The following RUSC2 variants were observed in gnomAD, a reference collection of about 807,000 sequenced individuals.
The protein encoded by RUSC2 is RUN and SH3 domain containing 2.
A neutral mutation model predicts 122.2 loss-of-function variants in RUSC2; 34 were observed. The observed-to-expected ratio is 0.28, with a 90% CI of 0.21 to 0.37. The LOEUF is 0.37. RUSC2 is among the 10% of genes least tolerant of loss of function. RUSC2 has a pLI of 1.00. For synonymous variants in RUSC2, 784 were observed against 790.0 expected (o/e 0.99, Z 0.13); for missense variants, 1,747 against 1,952.4 (o/e 0.89, Z 1.98).
At chr9:35,554,520 C>T (rs2131693161) in intron 2 of RUSC2, among the ~76,000 whole-genome samples, 1 of 152,298 alleles carries the variant, frequency 6.6e-6, no homozygotes, top group East Asian at 1.9e-4. Flanking sequence ...GAAACATTTT[C>T]ATCACTGAAA....
rs767009852 is a variant in RUSC2, at chr9:35,561,020, G to A, written c.4272G>A (p.Val1424=). 8.7e-6 allele frequency: 14 copies of A among 1,614,192 alleles called. No individual in the cohort carries two copies. The South Asian group carries it at 1.5e-4, about 18-fold the overall frequency. The change falls in exon 11 of 12, where the codon GTG becomes GTA. Residue 1424 remains valine, a synonymous_variant. Coordinates refer to ENST00000361226, the MANE Select transcript of RUSC2 (RefSeq NM_014806.5). The part of the protein sequence containing the change: ...KSMFQLVAQT[V]GSRREPEPKE... ...TGTTCCAACTAGTGGCGCAGACAGT[G>A]GGTTCCCGCCGGGAGCCAGAGCCCA...
chr9:35,531,763 C>T (rs1404996036), intron 1 of RUSC2, among the ~76,000 whole-genome samples: 4 of 152,120 alleles, frequency 2.6e-5, no homozygotes, highest in South Asian at 4.1e-4. Flanking sequence ...TGGTGGTTCA[C>T]GCCTGTAATC....
intron 1 of RUSC2, among the ~76,000 whole-genome samples, chr9:35,540,693 C>A (rs1156914792): frequency 6.6e-6 from 1 of 152,174 alleles, no homozygotes; most frequent in Non-Finnish European, 1.5e-5. Flanking sequence ...GGCCGGTAGA[C>A]ATAACCTGTG....
At chr9:35,520,388 A>G (rs954317726) in intron 1 of RUSC2, among the ~76,000 whole-genome samples, 4 of 152,156 alleles carry the variant, frequency 2.6e-5, no homozygotes, top group African/African-American at 9.7e-5. Flanking sequence ...CTTGAAGGAC[A>G]ACTAGGCTTC....
chr9:35,515,208 A>G (rs1641401390), intron 1 of RUSC2, among the ~76,000 whole-genome samples: 1 of 150,524 alleles, frequency 6.6e-6, no homozygotes, highest in South Asian at 2.1e-4. Flanking sequence ...CGAGGCAAAG[A>G]TTTAACATTA....
At position 35,490,316 on chromosome 9, in the gene RUSC2, C is replaced by G. The variant is rs1190905561; in HGVS notation, c.-93+144C>G. ...CTTCAGCCCTTCCCCCTCGGCTGCA[C>G]CCGCCCTCTGCGTCCGCCCCGACCC... On this transcript the variant is annotated intron_variant, in intron 1 of 11. Coordinates refer to ENST00000361226, the MANE Select transcript of RUSC2 (RefSeq NM_014806.5). 1.9e-5 allele frequency: 3 copies of G among 154,986 alleles called. No homozygotes were observed. The Admixed American group carries it at 2.0e-4, about 10-fold the overall frequency. 9.6% of individuals were successfully genotyped at this position (154,986 alleles called of 1,614,324 possible). A position where few individuals can be genotyped will look rare whatever the true frequency, so the allele number is the denominator to read the frequency against.
At position 35,558,345 on chromosome 9, in the gene RUSC2, G is replaced by A. The variant is rs1336232678; in HGVS notation, c.3209G>A (p.Ser1070Asn). The A allele has an allele frequency of 6.2e-7, 1 of 1,614,170 alleles. No individual in the cohort carries two copies. The highest frequency in any genetic ancestry group is 8.5e-7 in the Non-Finnish European group (1 of 1,180,028). The change falls in exon 7 of 12, where the codon AGT becomes AAT. Residue 1070 changes from serine to asparagine, a missense_variant. Coordinates refer to ENST00000361226, the MANE Select transcript of RUSC2 (RefSeq NM_014806.5). This position sits in a 1 kb window ranked among gnomAD's most constrained non-coding sequence, Gnocchi z 4.3. ...IIGQRKNMPWSVVEASTQLGP... is the reference protein window; with the variant it reads ...IIGQRKNMPWNVVEASTQLGP... ...GGGCAGCGTAAGAACATGCCATGGA[G>A]TGTGGTTGAGGCTTCCACACAGCTA...
At chr9:35,556,168 G>A in intron 4 of RUSC2, 31 bp downstream of exon 4, 1 of 1,609,976 alleles carries the variant, frequency 6.2e-7, no homozygotes, top group East Asian at 2.2e-5. Context: ...GTACACCCGG[G>A]GCAGGCTCTG....
chr9:35,503,203 C>T (rs753991275), intron 1 of RUSC2, among the ~76,000 whole-genome samples: 2 of 152,096 alleles, frequency 1.3e-5, no homozygotes, highest in South Asian at 4.2e-4. Flanking sequence ...TTTGGTGCAC[C>T]CATCACCTGA....
In RUSC2 at chr9:35,547,023, G is replaced by A; in HGVS notation, c.502G>A (p.Val168Met). 1 of 1,608,398 alleles carries A rather than the reference G, an allele frequency of 6.2e-7. No individual in the cohort carries two copies. Among genetic ancestry groups the A allele is most frequent in the Non-Finnish European group, 8.5e-7 (1 of 1,176,494 alleles). The change falls in exon 2 of 12, where the codon GTG becomes ATG. Residue 168 changes from valine to methionine, a missense_variant. By Grantham distance (21) the Val-to-Met change is conservative. Transcript: ENST00000361226. The surrounding 1 kb of genome is among the most constrained non-coding windows in gnomAD (Gnocchi z 4.6). The part of the protein sequence containing the change: ...PWGTTRSRAG[V>M]VEGQEQEPVM... ...GGGGACAACACGCAGTCGGGCTGGAGTGGTGGAAGGGCAGGAACAGGAGCC... is the reference window on the plus strand; with the variant it reads ...GGGGACAACACGCAGTCGGGCTGGAATGGTGGAAGGGCAGGAACAGGAGCC...
chr9:35,547,233 A>G lies in RUSC2; in HGVS notation c.712A>G (p.Arg238Gly), dbSNP rs1821769754. 3 of 1,614,158 alleles carry G rather than the reference A, an allele frequency of 1.9e-6. No homozygotes were observed. The South Asian group carries it at 3.3e-5, about 18-fold the overall frequency. Residue 238 changes from arginine (R) to glycine (G), a missense_variant, in exon 2 of 12, where the codon AGG becomes GGG. By Grantham distance (125) the Arg-to-Gly change is moderately radical. Coordinates refer to ENST00000361226, the MANE Select transcript of RUSC2 (RefSeq NM_014806.5). The surrounding 1 kb of genome is among the most constrained non-coding windows in gnomAD (Gnocchi z 4.6). ...GAAGCTCAGTTCAGATGAATCCCCAAGGAACCCTGGATGCTCCGGCTCAGG... is the reference window on the plus strand; with the variant it reads ...GAAGCTCAGTTCAGATGAATCCCCAGGGAACCCTGGATGCTCCGGCTCAGG... Reference protein sequence around the residue: ...EWKLSSDESPRNPGCSGSGDQ... With the variant: ...EWKLSSDESPGNPGCSGSGDQ...
At chr9:35,539,490 A>T (rs1425515049) in intron 1 of RUSC2, among the ~76,000 whole-genome samples, 3 of 152,094 alleles carry the variant, frequency 2.0e-5, no homozygotes, top group Non-Finnish European at 2.9e-5. Context: ...TAAGTTTATG[A>T]TGGAGAACAT....
intron 1 of RUSC2, among the ~76,000 whole-genome samples, chr9:35,494,773 A>G (rs1019615394): frequency 7.9e-5 from 12 of 151,014 alleles, no homozygotes; most frequent in Non-Finnish European, 1.6e-4. Flanking sequence ...CCTTTGATGC[A>G]CGAAAGTTTT....
chr9:35,554,748 CA>C (rs34730277), intron 2 of RUSC2, among the ~76,000 whole-genome samples: 92,031 of 151,694 alleles, frequency 0.61, 29,040 homozygotes, highest in Admixed American at 0.7. Context: ...AGTCTGAACT[CA>C]AAACTTCTCA....
At chr9:35,544,323 T>TTA in intron 1 of RUSC2, among the ~76,000 whole-genome samples, 1 of 149,770 alleles carries the variant, frequency 6.7e-6, no homozygotes, top group Non-Finnish European at 1.5e-5. Context: ...TTTTTTTTTT[T>TTA]TTTGAGACAG....
Position 35,557,145 on chromosome 9 carries a change from A to G in RUSC2, c.2983+697A>G, listed in dbSNP as rs1822038752. On this transcript the variant is annotated intron_variant, in intron 5 of 11. Coordinates refer to ENST00000361226, the MANE Select transcript of RUSC2 (RefSeq NM_014806.5). This position sits in a 1 kb window ranked among gnomAD's most constrained non-coding sequence, Gnocchi z 4.6. ...AAGATTGACAAGACCCACACTATTT[A>G]GCAAATAAGTGACCACTGAACTAAG... Among the ~76,000 whole-genome samples the G allele has an allele frequency of 2.0e-5, 3 of 152,304 alleles. 1 individual carries two copies. The South Asian group carries it at 6.2e-4, about 32-fold the overall frequency.
Position 35,557,969 on chromosome 9 carries a change from A to G in RUSC2, c.3039A>G (p.Thr1013=). The G allele has an allele frequency of 1.2e-6, 2 of 1,614,242 alleles. No individual in the cohort carries two copies. The highest frequency in any genetic ancestry group is 1.7e-6 in the Non-Finnish European group (2 of 1,180,046). The change falls in exon 6 of 12, where the codon ACA becomes ACG. Residue 1013 remains threonine, a synonymous_variant. Coordinates refer to ENST00000361226, the MANE Select transcript of RUSC2 (RefSeq NM_014806.5). This position sits in a 1 kb window ranked among gnomAD's most constrained non-coding sequence, Gnocchi z 4.6. ...AVDLIVAHFG[T]SRDPGVKAKL... ...ACCTCATTGTGGCTCATTTTGGCAC[A>G]AGCCGGGATCCCGGGGTGAAGGTAG...
intron 1 of RUSC2, among the ~76,000 whole-genome samples, chr9:35,513,179 T>G (rs1021823086): frequency 6.7e-6 from 1 of 149,790 alleles, no homozygotes; most frequent in African/African-American, 2.4e-5. Context: ...GACTTGAGAA[T>G]TATACTTTGT....
Position 35,555,587 on chromosome 9 carries a change from C to T in RUSC2, c.2542C>T (p.Leu848Phe). 6.2e-7 allele frequency: 1 copy of T among 1,613,954 alleles called. No homozygotes were observed. Among genetic ancestry groups the T allele is most frequent in the Non-Finnish European group, 8.5e-7 (1 of 1,180,030 alleles). Residue 848 changes from leucine to phenylalanine, a missense_variant, in exon 3 of 12, where the codon CTC (leucine) becomes TTC (phenylalanine). By Grantham distance (22) the Leu-to-Phe change is conservative (BLOSUM62 0). Transcript: ENST00000361226. The surrounding 1 kb of genome is among the most constrained non-coding windows in gnomAD (Gnocchi z 4.6). ...GATACTGACCTTGACTGAGTACCGG[C>T]TCCATGGAACAGGAAGCTTGCCGCC... ...QKILTLTEYR[L>F]HGTGSLPPLG...
Sources: gnomAD v4.1 joint callset for allele counts (sites outside exome capture counted in the v4.1 genomes callset) on GRCh38, gnomAD v4.1.1 for gene constraint, Gnocchi (gnomAD v3.1) non-coding constraint, MANE v1.5 for transcripts, NCBI Gene and HGNC (gene_info 2026-07-23, HGNC 2026-07-21) for gene names.